LRRC7: variants seen among roughly 807,000 people sequenced by gnomAD.
The protein encoded by LRRC7 is leucine rich repeat containing 7, also known as leucine-rich repeat-containing protein 7.
A neutral mutation model predicts 175.7 loss-of-function variants in LRRC7; 23 were observed. The observed-to-expected ratio is 0.13, with a 90% CI of 0.09 to 0.19. The LOEUF is 0.19. Among genes scored for constraint, LRRC7 ranks in the 10% least tolerant of loss-of-function variants. The probability of loss-of-function intolerance (pLI) is 1.00; values close to 1 mark genes in which losing one functional copy is unlikely to be tolerated. For synonymous variants in LRRC7, 685 were observed against 680.9 expected (o/e 1.01, Z -0.09); for missense variants, 1,354 against 1,904.7 (o/e 0.71, Z 5.38).
At chr1:70,081,963 GA>G (rs569354538) in intron 24 of LRRC7, among the ~76,000 whole-genome samples, 30 of 152,070 alleles carry the variant, frequency 2.0e-4, no homozygotes, top group Non-Finnish European at 3.1e-4. Context: ...ATATTTAAGG[GA>G]AAAAAAGTTC....
intron 2 of LRRC7, among the ~76,000 whole-genome samples, chr1:69,699,487 C>G (rs186701046): frequency 6.6e-6 from 1 of 152,070 alleles, no homozygotes; most frequent in Admixed American, 6.6e-5. Context: ...TTGCAGTGAG[C>G]CAAGATTGTG....
intron 2 of LRRC7, among the ~76,000 whole-genome samples, chr1:69,742,822 G>A (rs1240137786): frequency 6.6e-6 from 1 of 151,900 alleles, no homozygotes; most frequent in Non-Finnish European, 1.5e-5. Flanking sequence ...TAATTGTAAT[G>A]TATAAATGAC....
At chr1:70,036,359 C>T (rs774195126) in intron 19 of LRRC7, 85 bp from the exon 20 acceptor site, 43 of 1,430,638 alleles carry the variant, frequency 3.0e-5, no homozygotes, top group Admixed American at 1.0e-4. Context: ...TAACCTTAAT[C>T]GGTATGGTTT....
intron 2 of LRRC7, among the ~76,000 whole-genome samples, chr1:69,754,924 T>C (rs1344752370): frequency 6.6e-6 from 1 of 151,614 alleles, no homozygotes; most frequent in Non-Finnish European, 1.5e-5. Flanking sequence ...AATGATATTG[T>C]AAAGAAAAAA....
intron 7 of LRRC7, among the ~76,000 whole-genome samples, chr1:69,844,360 TC>T (rs1320373450): frequency 6.6e-6 from 1 of 152,038 alleles, no homozygotes; most frequent in African/African-American, 2.4e-5. Flanking sequence ...CATTCCCTCC[TC>T]CCCTCAGCCC....
chr1:69,598,404 G>A (rs947696619), intron 1 of LRRC7, among the ~76,000 whole-genome samples: 40 of 152,112 alleles, frequency 2.6e-4, no homozygotes, highest in African/African-American at 9.7e-4. Context: ...TCTAGAGAGA[G>A]ATTTATTTTA....
At position 70,139,019 on chromosome 1, in the gene LRRC7, C is replaced by T. The variant is rs1004619995; in HGVS notation, c.*17132C>T. The T allele has an allele frequency of 2.0e-5, 3 of 152,128 alleles. No individual in the cohort carries two copies. Among genetic ancestry groups the T allele is most frequent in the Admixed American group, 6.5e-5 (1 of 15,278 alleles). The allele number at this position is 152,128 out of a possible 1,614,324, so 9.4% of individuals were successfully genotyped here. A position where few individuals can be genotyped will look rare whatever the true frequency, so the allele number is the denominator to read the frequency against. ...CTGCCTACCTGCCTTTAGGAAAAAG[C>T]AATGCTTTATGTAGCTTCAATTAGT... is the stretch of plus-strand genomic sequence containing the variant. On this transcript the variant is annotated 3_prime_UTR_variant, in exon 27 of 27. Transcript: ENST00000651989.
chr1:69,931,229 C>A (rs1158623368), intron 7 of LRRC7, among the ~76,000 whole-genome samples: 1 of 152,166 alleles, frequency 6.6e-6, no homozygotes, highest in Non-Finnish European at 1.5e-5. Context: ...CCACCCTACA[C>A]CTCCCACTGG....
chr1:69,788,419 C>G (rs1674738935), intron 3 of LRRC7, among the ~76,000 whole-genome samples: 1 of 152,166 alleles, frequency 6.6e-6, no homozygotes, highest in South Asian at 2.1e-4. Context: ...ACTTCTGAAA[C>G]AGAAGTTGAT....
At chr1:69,726,908 G>T (rs1200472547) in intron 2 of LRRC7, among the ~76,000 whole-genome samples, 2 of 152,162 alleles carry the variant, frequency 1.3e-5, no homozygotes, top group African/African-American at 4.8e-5. Flanking sequence ...AACCATGTAG[G>T]TTAAGCTACT....
At chr1:70,071,031 T>C (rs1443996716) in intron 23 of LRRC7, among the ~76,000 whole-genome samples, 1 of 152,192 alleles carries the variant, frequency 6.6e-6, no homozygotes, top group Non-Finnish European at 1.5e-5. Context: ...GGTAGAAGTC[T>C]GGGCTCAACA....
rs1649386761 is a variant in LRRC7, at chr1:69,946,965, C to A, written c.711+15395C>A. Among the ~76,000 whole-genome samples, 6 of 152,044 alleles carry A rather than the reference C, an allele frequency of 3.9e-5. No homozygotes were observed. In the South Asian group the frequency reaches 1.2e-3, roughly 32 times the overall value. On this transcript the variant is annotated intron_variant, in intron 8 of 26. Coordinates refer to ENST00000651989, the MANE Select transcript of LRRC7 (RefSeq NM_001370785.2). ...TGGTGGTGCACACCTGTAATCCCAGCTAATCTGGAGGCTGAGGCATGAGAA... is the reference window on the plus strand; with the variant it reads ...TGGTGGTGCACACCTGTAATCCCAGATAATCTGGAGGCTGAGGCATGAGAA...
At chr1:70,003,910 T>C (rs1433416247) in intron 11 of LRRC7, among the ~76,000 whole-genome samples, 1 of 152,196 alleles carries the variant, frequency 6.6e-6, no homozygotes, top group African/African-American at 2.4e-5. Flanking sequence ...GCAGATATGT[T>C]CACTAAAAAA....
chr1:69,643,663 G>C (rs1326692854), intron 1 of LRRC7, among the ~76,000 whole-genome samples: 1 of 152,052 alleles, frequency 6.6e-6, no homozygotes, highest in Admixed American at 6.6e-5. Flanking sequence ...CCCTCTCTCT[G>C]TTTAAAATTA....
In LRRC7 at chr1:70,134,374, TA is replaced by T. The variant is rs752929866; in HGVS notation, c.*12492del. ...GGGCCTCTGATGGCTGGATCATTGC[TA>T]AAAAGGCCAAATGTTTTTGTTTACT... On this transcript the variant is annotated 3_prime_UTR_variant, in exon 27 of 27. Coordinates refer to ENST00000651989, the MANE Select transcript of LRRC7 (RefSeq NM_001370785.2). Among the ~76,000 whole-genome samples the T allele has an allele frequency of 2.3e-4, 35 of 152,194 alleles. No individual in the cohort carries two copies. The highest frequency in any genetic ancestry group is 4.6e-4 in the Non-Finnish European group (31 of 68,034).
intron 7 of LRRC7, among the ~76,000 whole-genome samples, chr1:69,905,781 G>C (rs1239486820): frequency 6.6e-6 from 1 of 152,206 alleles, no homozygotes; most frequent in Non-Finnish European, 1.5e-5. Context: ...CCAGTAATGG[G>C]ATGGCTGGGT....
In LRRC7 at chr1:69,969,843, G is replaced by A. The variant is rs531359360; in HGVS notation, c.712-10536G>A. Reference sequence around the variant, plus strand: ...CAGAATGTACATTCTATTCAACAGCGCATGGAACTTTCTCCGGGATAGACC... The same window carrying A: ...CAGAATGTACATTCTATTCAACAGCACATGGAACTTTCTCCGGGATAGACC... On this transcript the variant is annotated intron_variant, in intron 8 of 26. Transcript: ENST00000651989. Among the ~76,000 whole-genome samples the A allele has an allele frequency of 7.5e-4, 114 of 152,078 alleles. 1 individual carries two copies. The highest frequency in any genetic ancestry group is 4.4e-3 in the South Asian group (21 of 4,826).
At chr1:69,659,444 A>T (rs1017797014) in intron 1 of LRRC7, among the ~76,000 whole-genome samples, 8 of 151,904 alleles carry the variant, frequency 5.3e-5, no homozygotes, top group Non-Finnish European at 1.2e-4. Context: ...AGTAAAAAAA[A>T]TGTATAAATA....
chr1:69,988,987 A>C (rs1654187953), intron 10 of LRRC7, among the ~76,000 whole-genome samples: 1 of 152,186 alleles, frequency 6.6e-6, no homozygotes, highest in East Asian at 1.9e-4. Flanking sequence ...ACCCTAAGGG[A>C]AACAAAAGTT....
Sources: allele counts gnomAD v4.1 joint callset (sites outside exome capture counted in the v4.1 genomes callset), GRCh38; gene constraint gnomAD v4.1.1; transcripts MANE v1.5; gene names NCBI Gene and HGNC (gene_info 2026-07-23, HGNC 2026-07-21).